Variants in LANCL3 observed in about 807,000 individuals in gnomAD.
LANCL3 encodes the protein LanC like family member 3, also known as lanC-like protein 3.
Under a neutral mutation model 26.5 loss-of-function variants are expected in LANCL3, and 19 were observed. The observed-to-expected ratio is 0.72, with a 90% confidence interval of 0.50 to 1.05. The LOEUF (loss-of-function observed/expected upper bound fraction) is 1.05, where lower values mean the gene tolerates loss of function less well. LANCL3 is among the 50% of genes least tolerant of loss of function. The pLI is 0.00. For synonymous variants in LANCL3, 160 were observed against 166.6 expected, an observed-to-expected ratio of 0.96 and a Z score of 0.30; for missense variants, 318 against 362.7, an observed-to-expected ratio of 0.88 and a Z score of 1.00.
intron 1 of LANCL3, among the ~76,000 whole-genome samples, chrX:37,623,627 ATGATT>A: frequency 8.9e-6 from 1 of 112,466 alleles, no homozygotes; most frequent in Non-Finnish European, 1.9e-5. Context: ...TATTTATTAT[ATGATT>A]TATTTTTATT....
chrX:37,626,648 G>T (rs1267725237), intron 1 of LANCL3, among the ~76,000 whole-genome samples: 1 of 111,401 alleles, frequency 9.0e-6, no homozygotes, highest in Non-Finnish European at 1.9e-5. Flanking sequence ...GGAGTAAAAT[G>T]GTATCTTTTT....
rs782030000 is a variant in LANCL3 at position 37,683,220 on chromosome X, A to T, written c.*7407A>T. On this transcript the variant is annotated 3_prime_UTR_variant, in exon 5 of 5. Coordinates refer to ENST00000378619, the MANE Select transcript of LANCL3 (RefSeq NM_001170331.2). Reference sequence around the variant, plus strand: ...ACCTTCCTAATGATACATTTCACAAACTGCACATTAGGGCAATTTCTTACT... The same window carrying T: ...ACCTTCCTAATGATACATTTCACAATCTGCACATTAGGGCAATTTCTTACT... The T allele has an allele frequency of 8.9e-6, 1 of 111,780 alleles. No individual in the cohort carries two copies. The highest frequency in any genetic ancestry group is 3.8e-4 in the South Asian group (1 of 2,660). The allele number at this position is 111,780 out of a possible 1,213,427, so 9.2% of individuals were successfully genotyped here. A position where few individuals can be genotyped will look rare whatever the true frequency, so the allele number is the denominator to read the frequency against.
intron 1 of LANCL3, among the ~76,000 whole-genome samples, chrX:37,588,094 T>C (rs1191654785): frequency 6.2e-5 from 7 of 112,785 alleles, no homozygotes; most frequent in Admixed American, 1.9e-4. Flanking sequence ...ATTGTTTTAA[T>C]GGAATTTTAT....
chrX:37,590,296 A>G (rs1183510844), intron 1 of LANCL3, among the ~76,000 whole-genome samples: 1 of 112,841 alleles, frequency 8.9e-6, no homozygotes, highest in African/African-American at 3.2e-5. Flanking sequence ...TAGTTGTGAC[A>G]CTGTCAAAGT....
In LANCL3 at chrX:37,597,930, A is replaced by G. The variant is rs561159338; in HGVS notation, c.573+25487A>G. 8.5e-4 allele frequency among the ~76,000 whole-genome samples: 94 copies of G among 110,115 alleles called. 1 individual carries two copies. In the South Asian group the frequency reaches 0.036, roughly 42 times the overall value. ...TTCCTGATGACGAATGATATTGACC[A>G]TCTTTTCATGTGCTTATTGGCCATT... On this transcript the variant is annotated intron_variant, in intron 1 of 4. Coordinates refer to ENST00000378619, the MANE Select transcript of LANCL3 (RefSeq NM_001170331.2).
intron 1 of LANCL3, among the ~76,000 whole-genome samples, chrX:37,607,603 T>C (rs1556420681): frequency 8.9e-6 from 1 of 112,712 alleles, no homozygotes; most frequent in Non-Finnish European, 1.9e-5. Flanking sequence ...AGAATATAAA[T>C]CTTTCATAAC....
At chrX:37,638,938 T>A (rs1198658665) in intron 1 of LANCL3, among the ~76,000 whole-genome samples, 1 of 110,948 alleles carries the variant, frequency 9.0e-6, no homozygotes, top group African/African-American at 3.3e-5. Context: ...GTTCATGACA[T>A]CCAGCCATGT....
intron 1 of LANCL3, among the ~76,000 whole-genome samples, chrX:37,635,962 C>G (rs1925694896): frequency 9.4e-6 from 1 of 106,629 alleles, no homozygotes; most frequent in Non-Finnish European, 1.9e-5. Flanking sequence ...TCTTCTCCCT[C>G]CCCCACCCTC....
chrX:37,627,746 G>A (rs1279461773), intron 1 of LANCL3, among the ~76,000 whole-genome samples: 1 of 111,881 alleles, frequency 8.9e-6, no homozygotes, highest in African/African-American at 3.3e-5. Context: ...ATTCCACTGA[G>A]GTCTATGATT....
At position 37,681,224 on chromosome X, in the gene LANCL3, C is replaced by T. The variant is rs1556438692; in HGVS notation, c.*5411C>T. 1 of 112,323 alleles carries T rather than the reference C, an allele frequency of 8.9e-6. No individual in the cohort carries two copies. The highest frequency in any genetic ancestry group is 3.7e-4 in the South Asian group (1 of 2,722). The allele number at this position is 112,323 out of a possible 1,213,427, so 9.3% of individuals were successfully genotyped here. On this transcript the variant is annotated 3_prime_UTR_variant, in exon 5 of 5. Coordinates refer to ENST00000378619, the MANE Select transcript of LANCL3 (RefSeq NM_001170331.2). ...AATTTTAATAATGTATTTGACTTAGCCTTATATATCCAAAATGATAGCATT... is the reference window on the plus strand; with the variant it reads ...AATTTTAATAATGTATTTGACTTAGTCTTATATATCCAAAATGATAGCATT...
At chrX:37,612,983 A>G (rs900041452) in intron 1 of LANCL3, among the ~76,000 whole-genome samples, 1 of 110,695 alleles carries the variant, frequency 9.0e-6, no homozygotes, top group East Asian at 2.8e-4. Context: ...GTTTCTATCA[A>G]TTTTTCTGCC....
intron 1 of LANCL3, among the ~76,000 whole-genome samples, chrX:37,638,928 G>A (rs1424218777): frequency 4.5e-5 from 5 of 110,244 alleles, no homozygotes; most frequent in Non-Finnish European, 7.6e-5. Flanking sequence ...TTTTTTCATT[G>A]TTCATGACAT....
At chrX:37,642,002 C>A (rs1439206990) in intron 1 of LANCL3, among the ~76,000 whole-genome samples, 1 of 111,496 alleles carries the variant, frequency 9.0e-6, no homozygotes, top group African/African-American at 3.3e-5. Flanking sequence ...TTGCCCCTGA[C>A]CTGAAGCTGG....
intron 1 of LANCL3, among the ~76,000 whole-genome samples, chrX:37,591,379 G>T (rs2146718744): frequency 9.0e-6 from 1 of 111,323 alleles, no homozygotes; most frequent in East Asian, 2.8e-4. Context: ...TGTTAGTGGT[G>T]GTGTGGGTCA....
chrX:37,653,995 C>T (rs1260173377), intron 1 of LANCL3, among the ~76,000 whole-genome samples: 1 of 111,414 alleles, frequency 9.0e-6, no homozygotes, highest in Non-Finnish European at 1.9e-5. Flanking sequence ...TTCTTTCTAT[C>T]TCTAGGCTCA....
chrX:37,634,025 T>A (rs891846212), intron 1 of LANCL3, among the ~76,000 whole-genome samples: 33 of 112,780 alleles, frequency 2.9e-4, no homozygotes, highest in African/African-American at 1.0e-3. Context: ...GTCTGTACCC[T>A]GCCCCCAGAG....
rs1027285496 is a variant in LANCL3 at position 37,648,575 on chromosome X, C to T, written c.574-7113C>T. 2.7e-5 allele frequency among the ~76,000 whole-genome samples: 3 copies of T among 112,047 alleles called. No individual in the cohort carries two copies. In the South Asian group the frequency reaches 1.1e-3, roughly 41 times the overall value. On this transcript the variant is annotated intron_variant, in intron 1 of 4. Coordinates refer to ENST00000378619, the MANE Select transcript of LANCL3 (RefSeq NM_001170331.2). The stretch of plus-strand genomic sequence containing the variant: ...GGCAAAGACTTCATGACGAAAACGC[C>T]AAAAGCAATTGCAACAAAAGCCAAA...
At chrX:37,614,217 A>G (rs782062979) in intron 1 of LANCL3, among the ~76,000 whole-genome samples, 2 of 111,660 alleles carry the variant, frequency 1.8e-5, no homozygotes, top group Non-Finnish European at 3.8e-5. Context: ...TTTTATAGCC[A>G]TGATTCTCAA....
chrX:37,634,467 T>C (rs1351740789), intron 1 of LANCL3, among the ~76,000 whole-genome samples: 1 of 112,820 alleles, frequency 8.9e-6, no homozygotes, highest in Non-Finnish European at 1.9e-5. Flanking sequence ...GCCCACTGTC[T>C]GGCACTCCCT....
Sources: gnomAD v4.1 joint callset for allele counts (sites outside exome capture counted in the v4.1 genomes callset) on GRCh38, gnomAD v4.1.1 for gene constraint, MANE v1.5 for transcripts, NCBI Gene and HGNC (gene_info 2026-07-23, HGNC 2026-07-21) for gene names.